VPS13B: variants seen among roughly 807,000 people sequenced by gnomAD.
VPS13B encodes vacuolar protein sorting 13 homolog B.
Under a neutral mutation model 426.4 loss-of-function variants are expected in VPS13B, and 285 were observed. The observed-to-expected ratio is 0.67, with a 90% CI of 0.61 to 0.74. The LOEUF is 0.74. Ranked by LOEUF, VPS13B falls within the 30% of genes least tolerant of loss-of-function variation. The probability of loss-of-function intolerance (pLI) is 0.00; values close to 1 mark genes in which losing one functional copy is unlikely to be tolerated. For missense variants in VPS13B, 4,537 were observed against 4,782.6 expected (o/e 0.95, Z 1.51); for synonymous variants, 1,676 against 1,676.4 (o/e 1.00, Z 0.01).
At chr8:99,064,638 T>C (rs1844375358) in intron 3 of VPS13B, among the ~76,000 whole-genome samples, 1 of 152,212 alleles carries the variant, frequency 6.6e-6, no homozygotes, top group Non-Finnish European at 1.5e-5. Flanking sequence ...TTGATTAGTG[T>C]ACCTGAAAGT....
intron 3 of VPS13B, among the ~76,000 whole-genome samples, chr8:99,081,651 G>T (rs570744023): frequency 1.5e-5 from 2 of 134,302 alleles, no homozygotes; most frequent in Admixed American, 1.6e-4. Flanking sequence ...GTGATGTTCC[G>T]CGTCGTATGT....
Position 99,156,535 on chromosome 8 carries a change from C to G in VPS13B, c.2014-14C>G. On this transcript the variant is annotated splice_polypyrimidine_tract_variant and intron_variant, in intron 14 of 61. Transcript: ENST00000357162. ...CCACTTTTAAAATATAAAGCGAACA[C>G]TATTATTTTCTAGAACTCAAGTAAC... is the stretch of plus-strand genomic sequence containing the variant. The G allele has an allele frequency of 6.2e-7, 1 of 1,613,374 alleles. No individual in the cohort carries two copies. Among genetic ancestry groups the G allele is most frequent in the Non-Finnish European group, 8.5e-7 (1 of 1,179,560 alleles).
At chr8:99,432,708 A>AT (rs1234930326) in intron 22 of VPS13B, among the ~76,000 whole-genome samples, 3 of 152,240 alleles carry the variant, frequency 2.0e-5, no homozygotes, top group Non-Finnish European at 4.4e-5. Flanking sequence ...AGAAGCTGAA[A>AT]TTATAAGTAA....
intron 54 of VPS13B, 115 bp downstream of exon 54, chr8:99,835,853 G>A: frequency 9.4e-7 from 1 of 1,068,598 alleles, no homozygotes. Context: ...TTTTCTCTGT[G>A]TGAGAGAACA....
intron 19 of VPS13B, among the ~76,000 whole-genome samples, chr8:99,360,193 TCTC>T (rs1812462240): frequency 2.6e-5 from 1 of 38,014 alleles, no homozygotes; most frequent in Non-Finnish European, 5.3e-5. Flanking sequence ...TTTCTTTCTC[TCTC>T]TCTCTCTCTC....
At chr8:99,348,187 CTTG>C (rs902575160) in intron 19 of VPS13B, 1 of 152,244 alleles carries the variant, frequency 6.6e-6, no homozygotes, top group Non-Finnish European at 1.5e-5. Flanking sequence ...AGTGGATATA[CTTG>C]TTGACTCCAG....
In VPS13B at chr8:99,147,901, A is replaced by G. The variant is rs761692416; in HGVS notation, c.1904A>G (p.Tyr635Cys). 2.9e-5 allele frequency: 46 copies of G among 1,612,916 alleles called. No homozygotes were observed. Among genetic ancestry groups the G allele is most frequent in the Non-Finnish European group, 3.8e-5 (45 of 1,179,584 alleles). ...NPEEVALLEE[Y>C]IPTRHTSVTL... ...GAAGAGGTGGCTCTTCTGGAGGAAT[A>G]TATTCCTACTCGACATACAAGTGTT... is the stretch of plus-strand genomic sequence containing the variant. Residue 635 changes from tyrosine to cysteine, a missense_variant, in exon 14 of 62, where the codon TAT (tyrosine) becomes TGT (cysteine). Tyr to Cys is a radical substitution (Grantham distance 194). Around this residue, in one of 2 missense-constraint regions of VPS13B, gnomAD observed 4,311 missense variants for 4,474.3 expected, o/e 0.96. Transcript: ENST00000357162.
intron 16 of VPS13B, among the ~76,000 whole-genome samples, chr8:99,175,376 A>C (rs1484809430): frequency 6.6e-6 from 1 of 152,218 alleles, no homozygotes; most frequent in Non-Finnish European, 1.5e-5. Context: ...TTAGCCTAGA[A>C]ATATCAAAAT....
chr8:99,303,757 T>C (rs1289722485), intron 19 of VPS13B, among the ~76,000 whole-genome samples: 2 of 69,170 alleles, frequency 2.9e-5, no homozygotes, highest in East Asian at 3.5e-4. Flanking sequence ...AAAAAGAATA[T>C]ATGTTTCTTT....
chr8:99,371,875 G>T (rs927864360), intron 19 of VPS13B, among the ~76,000 whole-genome samples: 1 of 152,078 alleles, frequency 6.6e-6, no homozygotes, highest in African/African-American at 2.4e-5. Context: ...ACTCAAGATG[G>T]ATTAAAGACT....
Position 99,448,157 on chromosome 8 carries a change from A to G in VPS13B, c.3445+5522A>G, listed in dbSNP as rs966424541. 3.4e-5 allele frequency among the ~76,000 whole-genome samples: 5 copies of G among 145,662 alleles called. 1 individual carries two copies. The highest frequency in any genetic ancestry group is 1.3e-4 in the African/African-American group (5 of 38,852). ...TATTTATTTATTTATTTATTTATTTATTTATTGCAAGAACTGAGATGGCAA... is the reference window on the plus strand; with the variant it reads ...TATTTATTTATTTATTTATTTATTTGTTTATTGCAAGAACTGAGATGGCAA... On this transcript the variant is annotated intron_variant, in intron 23 of 61. Coordinates refer to ENST00000357162, the MANE Select transcript of VPS13B (RefSeq NM_152564.5).
intron 29 of VPS13B, among the ~76,000 whole-genome samples, chr8:99,512,415 T>C (rs1018694242): frequency 6.6e-6 from 1 of 152,226 alleles, no homozygotes; most frequent in Non-Finnish European, 1.5e-5. Flanking sequence ...CCTTATTATA[T>C]AGGAGCACCT....
rs753402752 is a variant in VPS13B at position 99,720,449 on chromosome 8, A to G, written c.6762A>G (p.Pro2254=). ...ATTTTGAAGTACAAGTTTCTGAACC[A>G]GTGCCTCAAATGTCATCTCCTGTGG... The part of the protein sequence containing the change: ...EGNFEVQVSE[P]VPQMSSPVEK... Residue 2254 remains proline (P), a synonymous_variant, in exon 38 of 62, where the codon CCA becomes CCG. Coordinates refer to ENST00000357162, the MANE Select transcript of VPS13B (RefSeq NM_152564.5). 1.2e-6 allele frequency: 2 copies of G among 1,614,054 alleles called. No individual in the cohort carries two copies. Among genetic ancestry groups the G allele is most frequent in the Non-Finnish European group, 1.7e-6 (2 of 1,179,934 alleles).
intron 54 of VPS13B, among the ~76,000 whole-genome samples, chr8:99,847,162 G>C (rs1437929863): frequency 6.6e-6 from 1 of 152,020 alleles, no homozygotes; most frequent in Non-Finnish European, 1.5e-5. Flanking sequence ...TTTTTACCTT[G>C]GAACAAATAG....
Position 99,629,992 on chromosome 8 carries a change from A to G in VPS13B, c.5221-11819A>G, listed in dbSNP as rs140865332. ...GTTCTTAGAGTTCTCCATTGTGCAT[A>G]GCGGTGTTTCTGAAACATTAACGTG... On this transcript the variant is annotated intron_variant, in intron 33 of 61. Transcript: ENST00000357162. Among the ~76,000 whole-genome samples the G allele has an allele frequency of 3.3e-5, 5 of 152,284 alleles. No individual in the cohort carries two copies. In the East Asian group the frequency reaches 9.7e-4, roughly 29 times the overall value.
chr8:99,217,148 ATCATGT>A (rs971645557), intron 17 of VPS13B, among the ~76,000 whole-genome samples: 2 of 152,194 alleles, frequency 1.3e-5, no homozygotes, highest in Non-Finnish European at 2.9e-5. Flanking sequence ...ACTGTAACAG[ATCATGT>A]TCATGTTTAT....
chr8:99,350,425 C>T (rs1221264417), intron 19 of VPS13B, among the ~76,000 whole-genome samples: 1 of 152,090 alleles, frequency 6.6e-6, no homozygotes, highest in Admixed American at 6.6e-5. Context: ...TAAATGTATG[C>T]ATGAGAGTGA....
intron 54 of VPS13B, among the ~76,000 whole-genome samples, chr8:99,840,227 T>G (rs1815611994): frequency 6.6e-6 from 1 of 152,264 alleles, no homozygotes; most frequent in African/African-American, 2.4e-5. Flanking sequence ...TATTAATGAG[T>G]TCAGACTGTC....
intron 19 of VPS13B, among the ~76,000 whole-genome samples, chr8:99,337,983 A>G (rs780914964): frequency 4.3e-4 from 65 of 152,142 alleles, no homozygotes; most frequent in Non-Finnish European, 8.7e-4. Flanking sequence ...GTGCCCTGGC[A>G]TGTTTGTTGA....
Sources: allele counts gnomAD v4.1 joint callset (sites outside exome capture counted in the v4.1 genomes callset), GRCh38; gene constraint gnomAD v4.1.1; regional missense constraint gnomAD v4.1.1; transcripts MANE v1.5; gene names NCBI Gene and HGNC (gene_info 2026-07-23, HGNC 2026-07-21).